KANSL1: variants seen among roughly 807,000 people sequenced by gnomAD.
KANSL1 encodes KAT8 regulatory NSL complex subunit 1, also known as MLL1/MLL complex subunit KANSL1.
A neutral mutation model predicts 103.6 loss-of-function variants in KANSL1; 22 were observed. The ratio of observed to expected loss-of-function variants is 0.21; its 90% CI spans 0.15 to 0.30. KANSL1 has a LOEUF of 0.30. Ranked by LOEUF, KANSL1 falls within the 10% of genes least tolerant of loss-of-function variation. The probability of loss-of-function intolerance (pLI) is 1.00; values close to 1 mark genes in which losing one functional copy is unlikely to be tolerated. For missense variants in KANSL1, 1,337 were observed against 1,399.8 expected, an observed-to-expected ratio of 0.96 and a Z score of 0.72; for synonymous variants, 600 against 527.6, an observed-to-expected ratio of 1.14 and a Z score of -1.88.
intron 7 of KANSL1, chr17:46,043,749 C>T (rs1441047319): frequency 1.3e-5 from 2 of 152,196 alleles, no homozygotes; most frequent in African/African-American, 2.4e-5. Flanking sequence ...CTCCTAAACC[C>T]TTCCCCTCAA....
At chr17:46,144,130 T>G (rs914293324) in intron 2 of KANSL1, among the ~76,000 whole-genome samples, 1 of 152,220 alleles carries the variant, frequency 6.6e-6, no homozygotes, top group African/African-American at 2.4e-5. Flanking sequence ...CAAGGAAAGA[T>G]ATAACTATAC....
intron 4 of KANSL1, among the ~76,000 whole-genome samples, chr17:46,078,252 A>G (rs939202186): frequency 6.6e-6 from 1 of 152,208 alleles, no homozygotes; most frequent in Non-Finnish European, 1.5e-5. Context: ...ATTGGTTTCA[A>G]TCAAAGCCCT....
chr17:46,136,757 A>G (rs1038253773), intron 2 of KANSL1, among the ~76,000 whole-genome samples: 16 of 152,274 alleles, frequency 1.1e-4, no homozygotes, highest in African/African-American at 3.9e-4. Context: ...TCAAAATTAA[A>G]TAAAACCAAA....
intron 7 of KANSL1, chr17:46,045,519 A>C (rs900388105): frequency 4.6e-5 from 7 of 151,860 alleles, no homozygotes; most frequent in Non-Finnish European, 1.0e-4. Context: ...CCATAGCTAG[A>C]AGCTCTTCGT....
intron 5 of KANSL1, 21 bp downstream of exon 5, chr17:46,067,528 A>G: frequency 4.4e-6 from 6 of 1,361,626 alleles, no homozygotes; most frequent in Non-Finnish European, 6.3e-6. Flanking sequence ...AAGTGTAGGA[A>G]GTAGAAGAGC....
At chr17:46,060,672 C>T (rs1251906298) in intron 6 of KANSL1, among the ~76,000 whole-genome samples, 1 of 152,200 alleles carries the variant, frequency 6.6e-6, no homozygotes, top group Non-Finnish European at 1.5e-5. Flanking sequence ...AATACTGACT[C>T]ATATTCTAGT....
intron 2 of KANSL1, among the ~76,000 whole-genome samples, chr17:46,116,552 C>T (rs139761739): frequency 4.6e-5 from 7 of 152,222 alleles, no homozygotes; most frequent in Admixed American, 1.3e-4. Context: ...CCAACAACAA[C>T]AAAACATTAT....
At chr17:46,091,138 A>G (rs1346375473) in intron 3 of KANSL1, among the ~76,000 whole-genome samples, 3 of 152,234 alleles carry the variant, frequency 2.0e-5, no homozygotes, top group Admixed American at 2.0e-4. Context: ...GAAGACAGTA[A>G]TACCGACAAA....
chr17:46,031,909 G>T, intron 14 of KANSL1, 138 bp downstream of exon 14: 2 of 1,250,732 alleles, frequency 1.6e-6, no homozygotes, highest in Non-Finnish European at 2.3e-6. Context: ...ACTGAACGTT[G>T]AGGAGATCAA....
chr17:46,118,066 C>T (rs57240476), intron 2 of KANSL1, among the ~76,000 whole-genome samples: 6,563 of 152,234 alleles, frequency 0.043, 192 homozygotes, highest in East Asian at 0.088. Flanking sequence ...CCACTACCCC[C>T]ACCCCAGAAA....
chr17:46,087,510 A>AAATAAAAT (rs1201522826), intron 3 of KANSL1, among the ~76,000 whole-genome samples: 3 of 152,246 alleles, frequency 2.0e-5, no homozygotes, highest in African/African-American at 7.2e-5. Flanking sequence ...ACACAGTAAT[A>AAATAAAAT]AAATAAAAAC....
At chr17:46,187,224 C>T (rs1452746639) in intron 1 of KANSL1, among the ~76,000 whole-genome samples, 1 of 152,242 alleles carries the variant, frequency 6.6e-6, no homozygotes. Flanking sequence ...AACATCCTAA[C>T]AACAAAATTG....
intron 4 of KANSL1, among the ~76,000 whole-genome samples, chr17:46,070,570 G>T (rs1486182336): frequency 6.6e-6 from 1 of 152,124 alleles, no homozygotes; most frequent in Non-Finnish European, 1.5e-5. Flanking sequence ...AAGAATTTAA[G>T]ATTCAGGTTG....
At chr17:46,202,082 G>T (rs1163921975) in intron 1 of KANSL1, among the ~76,000 whole-genome samples, 1 of 152,192 alleles carries the variant, frequency 6.6e-6, no homozygotes, top group Non-Finnish European at 1.5e-5. Context: ...GGAGGCTGAG[G>T]CAGGAGAATG....
At chr17:46,048,064 C>T (rs1453881422) in intron 7 of KANSL1, among the ~76,000 whole-genome samples, 1 of 151,860 alleles carries the variant, frequency 6.6e-6, no homozygotes, top group African/African-American at 2.4e-5. Context: ...TGTGCCACCA[C>T]GCCCAGTTAA....
intron 3 of KANSL1, among the ~76,000 whole-genome samples, chr17:46,089,438 A>C (rs534263292): frequency 9.2e-4 from 139 of 151,904 alleles, no homozygotes; most frequent in Non-Finnish European, 8.4e-4. Context: ...AATAAAATTA[A>C]TGTTAATAAG....
chr17:46,124,370 T>A (rs999092959), intron 2 of KANSL1, among the ~76,000 whole-genome samples: 3 of 152,266 alleles, frequency 2.0e-5, no homozygotes, highest in Non-Finnish European at 2.9e-5. Context: ...TGAGACCTCA[T>A]GCTCAGAAAG....
At chr17:46,203,982 T>C (rs924115037) in intron 1 of KANSL1, among the ~76,000 whole-genome samples, 18 of 151,044 alleles carry the variant, frequency 1.2e-4, no homozygotes, top group African/African-American at 4.4e-4. Flanking sequence ...TCTAGACTAG[T>C]CTGGACAAAT....
intron 2 of KANSL1, among the ~76,000 whole-genome samples, chr17:46,107,542 T>C (rs551765744): frequency 7.0e-4 from 106 of 152,374 alleles, no homozygotes; most frequent in African/African-American, 2.5e-3. Context: ...TTTGAATTCC[T>C]TGTAAGACTG....
Sources: gnomAD v4.1 joint callset for allele counts (sites outside exome capture counted in the v4.1 genomes callset) on GRCh38, gnomAD v4.1.1 for gene constraint, MANE v1.5 for transcripts, NCBI Gene and HGNC (gene_info 2026-07-23, HGNC 2026-07-21) for gene names.